The following WWOX variants were observed in gnomAD, a reference collection of about 807,000 sequenced individuals.
WWOX encodes the protein WW domain-containing oxidoreductase.
A neutral mutation model predicts 46.2 loss-of-function variants in WWOX; 69 were observed. That is an observed-to-expected ratio of 1.49 (90% CI 1.23 to 1.82). The LOEUF (loss-of-function observed/expected upper bound fraction) is 1.82. Ranked by LOEUF, WWOX falls within the 40% of genes most tolerant of loss-of-function variation. WWOX has a pLI of 0.00. For missense variants in WWOX, 919 were observed against 542.6 expected (o/e 1.69, Z -6.89); for synonymous variants, 359 against 202.6 (o/e 1.77, Z -6.56).
intron 8 of WWOX, among the ~76,000 whole-genome samples, chr16:78,732,967 C>G (rs1047854450): frequency 2.6e-5 from 4 of 152,174 alleles, no homozygotes; most frequent in Admixed American, 2.0e-4. Flanking sequence ...GTGGATGGCT[C>G]TTTATTTCCT....
intron 8 of WWOX, among the ~76,000 whole-genome samples, chr16:78,867,195 A>G (rs549759082): frequency 1.6e-4 from 25 of 152,330 alleles, no homozygotes; most frequent in African/African-American, 5.3e-4. Context: ...ACTCATCTTC[A>G]TGGCACACTG....
At chr16:78,453,416 A>T (rs540915420) in intron 8 of WWOX, among the ~76,000 whole-genome samples, 2 of 147,362 alleles carry the variant, frequency 1.4e-5, no homozygotes, top group South Asian at 2.3e-4. Context: ...GAGCGAGACT[A>T]TGTCTCAAAA....
At chr16:78,836,215 A>G (rs1274370425) in intron 8 of WWOX, among the ~76,000 whole-genome samples, 1 of 151,808 alleles carries the variant, frequency 6.6e-6, no homozygotes, top group Non-Finnish European at 1.5e-5. Context: ...CTTCCTTTGC[A>G]CAGACTAATA....
At chr16:78,906,026 G>GACGC (rs933510517) in intron 8 of WWOX, among the ~76,000 whole-genome samples, 27 of 149,860 alleles carry the variant, frequency 1.8e-4, no homozygotes, top group South Asian at 6.3e-4. Flanking sequence ...TGAATGCAAT[G>GACGC]ATGGATGAAT....
intron 8 of WWOX, among the ~76,000 whole-genome samples, chr16:78,787,286 C>A (rs540265438): frequency 2.0e-5 from 3 of 152,180 alleles, no homozygotes; most frequent in African/African-American, 7.2e-5. Context: ...TACCATCCCC[C>A]GCTAAAGAAA....
intron 5 of WWOX, among the ~76,000 whole-genome samples, chr16:78,219,575 A>C (rs912940729): frequency 2.6e-5 from 4 of 152,140 alleles, no homozygotes; most frequent in African/African-American, 9.7e-5. Flanking sequence ...CTATGATTAC[A>C]TTTCTGATCT....
At chr16:78,987,511 C>A (rs1243171560) in intron 8 of WWOX, among the ~76,000 whole-genome samples, 1 of 152,110 alleles carries the variant, frequency 6.6e-6, no homozygotes, top group Non-Finnish European at 1.5e-5. Flanking sequence ...GAGGGTTTCT[C>A]ATTTTTTAAT....
intron 8 of WWOX, among the ~76,000 whole-genome samples, chr16:79,007,113 T>C (rs979032458): frequency 1.3e-5 from 2 of 152,102 alleles, no homozygotes; most frequent in African/African-American, 2.4e-5. Flanking sequence ...GAGGTCACAA[T>C]AGCAAATGAC....
intron 8 of WWOX, among the ~76,000 whole-genome samples, chr16:78,468,878 A>G (rs1240466494): frequency 6.6e-6 from 1 of 152,212 alleles, no homozygotes; most frequent in Non-Finnish European, 1.5e-5. Flanking sequence ...GGGGAAGCTA[A>G]CATTTTAAAA....
chr16:78,386,149 C>T (rs1165070540), intron 5 of WWOX, among the ~76,000 whole-genome samples: 1 of 152,156 alleles, frequency 6.6e-6, no homozygotes, highest in Non-Finnish European at 1.5e-5. Flanking sequence ...TAAGATGCTG[C>T]ATTGTCAAAT....
intron 8 of WWOX, among the ~76,000 whole-genome samples, chr16:78,700,795 G>A (rs2048198655): frequency 6.6e-6 from 1 of 152,186 alleles, no homozygotes; most frequent in Non-Finnish European, 1.5e-5. Flanking sequence ...CTGAGCGGGT[G>A]CTTAGTGAAT....
At chr16:78,705,907 TA>T (rs958706864) in intron 8 of WWOX, among the ~76,000 whole-genome samples, 6 of 152,188 alleles carry the variant, frequency 3.9e-5, no homozygotes. Context: ...CTGCTAGATA[TA>T]AGCATCTGTT....
At chr16:78,623,610 G>T (rs780776276) in intron 8 of WWOX, among the ~76,000 whole-genome samples, 11 of 152,048 alleles carry the variant, frequency 7.2e-5, no homozygotes, top group Non-Finnish European at 1.5e-4. Context: ...AACCCGAGAG[G>T]CAGGGGTTGC....
intron 6 of WWOX, among the ~76,000 whole-genome samples, chr16:78,404,539 C>G (rs1470943329): frequency 6.6e-6 from 1 of 152,130 alleles, no homozygotes; most frequent in Non-Finnish European, 1.5e-5. Flanking sequence ...TAGTCACTTT[C>G]TCTTGTGGAG....
At chr16:78,899,667 G>C (rs1156437591) in intron 8 of WWOX, 2 of 152,202 alleles carry the variant, frequency 1.3e-5, no homozygotes, top group Non-Finnish European at 2.9e-5. Context: ...GATCTTGTAA[G>C]ACTTTTACAG....
In WWOX at chr16:78,337,772, A is replaced by T. The variant is rs1488706785; in HGVS notation, c.517-49088A>T. On this transcript the variant is annotated intron_variant, in intron 5 of 8. Coordinates refer to ENST00000566780, the MANE Select transcript of WWOX (RefSeq NM_016373.4). ...TATCCCTGTACTCCAAGATGCCTCC[A>T]GCAATTATAATTGAATCTTGAAGCT... Among the ~76,000 whole-genome samples, 6 of 124,020 alleles carry T rather than the reference A, an allele frequency of 4.8e-5. 2 individuals are homozygous for T. The highest frequency in any genetic ancestry group is 3.9e-5 in the Non-Finnish European group (2 of 51,404). 81.4% of individuals were successfully genotyped at this position (124,020 alleles called of 152,430 possible). A position where few individuals can be genotyped will look rare whatever the true frequency, so the allele number is the denominator to read the frequency against.
chr16:78,862,132 ATATC>A (rs890287877), intron 8 of WWOX, among the ~76,000 whole-genome samples: 11 of 151,014 alleles, frequency 7.3e-5, no homozygotes, highest in Admixed American at 3.3e-4. Context: ...GTGTCTATCT[ATATC>A]TATACACACC....
At chr16:78,343,686 T>A (rs1161411951) in intron 5 of WWOX, among the ~76,000 whole-genome samples, 2 of 121,404 alleles carry the variant, frequency 1.6e-5, no homozygotes, top group Non-Finnish European at 3.9e-5. Flanking sequence ...AGCAGATTTG[T>A]GTATGGATAT....
intron 8 of WWOX, among the ~76,000 whole-genome samples, chr16:78,796,927 C>T: frequency 6.6e-6 from 1 of 150,904 alleles, no homozygotes; most frequent in Non-Finnish European, 1.5e-5. Flanking sequence ...CTAAGATCAA[C>T]TGATTCTCCT....
Sources: allele counts gnomAD v4.1 joint callset (sites outside exome capture counted in the v4.1 genomes callset), GRCh38; gene constraint gnomAD v4.1.1; transcripts MANE v1.5; gene names NCBI Gene and HGNC (gene_info 2026-07-23, HGNC 2026-07-21).